The following SYNPO2 variants were observed in gnomAD, a reference collection of about 807,000 sequenced individuals.
SYNPO2 encodes the protein synaptopodin 2.
SYNPO2 carries 56 observed loss-of-function variants against 85.0 expected under a neutral mutation model. That is an observed-to-expected ratio of 0.66 (90% confidence interval 0.53 to 0.82). SYNPO2 has a LOEUF of 0.82. SYNPO2 is among the 40% of genes least tolerant of loss of function. The pLI, the probability that SYNPO2 is intolerant of heterozygous loss-of-function variation, is 0.00. For missense variants in SYNPO2, 1,575 were observed against 1,534.2 expected, an observed-to-expected ratio of 1.03 and a Z score of -0.44; for synonymous variants, 602 against 591.1, an observed-to-expected ratio of 1.02 and a Z score of -0.27.
intron 1 of SYNPO2, among the ~76,000 whole-genome samples, chr4:118,881,517 A>C (rs1732099721): frequency 6.6e-6 from 1 of 152,178 alleles, no homozygotes; most frequent in South Asian, 2.1e-4. Flanking sequence ...GGCGTTTGTT[A>C]TGGAGCCCTA....
chr4:118,897,803 A>T (rs1360234498), intron 1 of SYNPO2, among the ~76,000 whole-genome samples: 2 of 152,158 alleles, frequency 1.3e-5, no homozygotes, highest in Non-Finnish European at 2.9e-5. Context: ...AAGCTCCTAG[A>T]CATGTCACTT....
chr4:119,031,219 C>G lies in SYNPO2; in HGVS notation c.2444C>G (p.Pro815Arg). The G allele has an allele frequency of 1.2e-6, 2 of 1,614,180 alleles. No homozygotes were observed. The highest frequency in any genetic ancestry group is 2.2e-5 in the South Asian group (2 of 91,080). Residue 815 changes from proline (P) to arginine (R), a missense_variant, in exon 4 of 5, where the codon CCT (proline) becomes CGT (arginine). Physicochemically the swap from Pro to Arg is moderately radical, Grantham distance 103. Coordinates refer to ENST00000307142, the MANE Select transcript of SYNPO2 (RefSeq NM_133477.3). ...SIKIAQPSYP[P>R]ARPASTLNVA... Reference sequence around the variant, plus strand: ...AAAATAGCCCAGCCTTCTTACCCTCCTGCCCGGCCTGCAAGTACTTTGAAC... The same window carrying G: ...AAAATAGCCCAGCCTTCTTACCCTCGTGCCCGGCCTGCAAGTACTTTGAAC...
intron 4 of SYNPO2, chr4:119,032,706 C>T (rs888164366): frequency 1.0e-6 from 1 of 964,508 alleles, no homozygotes; most frequent in African/African-American, 1.8e-5. Flanking sequence ...CATATATAAA[C>T]TCATTTCAGA....
Position 119,026,673 on chromosome 4 carries a change from A to G in SYNPO2, c.304A>G (p.Lys102Glu), listed in dbSNP as rs746555337. Residue 102 changes from lysine (K) to glutamate (E), a missense_variant, in exon 3 of 5, where the codon AAA (lysine) becomes GAA (glutamate). Transcript: ENST00000307142. ...SEALISENEN[K>E]NLEHLTHGGY... ...GGCTTTGATATCTGAAAATGAAAACAAAAACCTCGAGCATCTCACACATGG... is the reference window on the plus strand; with the variant it reads ...GGCTTTGATATCTGAAAATGAAAACGAAAACCTCGAGCATCTCACACATGG... The G allele has an allele frequency of 2.5e-6, 4 of 1,612,566 alleles. No homozygotes were observed. The Admixed American group carries it at 6.7e-5, about 27-fold the overall frequency.
At chr4:118,933,829 GTTT>G (rs71595334) in intron 1 of SYNPO2, among the ~76,000 whole-genome samples, 1 of 102,318 alleles carries the variant, frequency 9.8e-6, no homozygotes, top group African/African-American at 3.4e-5. Context: ...TGTTGTTGTT[GTTT>G]TTTTTTTTTT....
At chr4:118,898,879 T>C (rs1732633283) in intron 1 of SYNPO2, among the ~76,000 whole-genome samples, 1 of 152,350 alleles carries the variant, frequency 6.6e-6, no homozygotes, top group Non-Finnish European at 1.5e-5. Context: ...CCTGGTTGCT[T>C]CATCCCTGCT....
intron 1 of SYNPO2, among the ~76,000 whole-genome samples, chr4:118,927,565 T>A (rs1189444629): frequency 6.6e-6 from 1 of 152,130 alleles, no homozygotes; most frequent in African/African-American, 2.4e-5. Context: ...TTTCTTGAAA[T>A]TTCATGTAAG....
chr4:118,971,278 C>T (rs937757541), intron 1 of SYNPO2, among the ~76,000 whole-genome samples: 2 of 152,134 alleles, frequency 1.3e-5, no homozygotes, highest in Non-Finnish European at 2.9e-5. Context: ...ACAAAGCGAA[C>T]CCATGACTCT....
chr4:118,871,707 T>C (rs1402938092), intron 1 of SYNPO2, among the ~76,000 whole-genome samples: 6 of 152,090 alleles, frequency 3.9e-5, no homozygotes, highest in Non-Finnish European at 8.8e-5. Flanking sequence ...TTGCTGGGAC[T>C]ACAGGCGCCT....
Position 119,030,353 on chromosome 4 carries a change from G to C in SYNPO2, c.1578G>C (p.Gln526His). The C allele has an allele frequency of 2.5e-6, 4 of 1,614,092 alleles. No individual in the cohort carries two copies. Among genetic ancestry groups the C allele is most frequent in the Non-Finnish European group, 3.4e-6 (4 of 1,180,014 alleles). The change falls in exon 4 of 5, where the codon CAG becomes CAC. Residue 526 changes from glutamine to histidine, a missense_variant. Physicochemically the swap from Gln to His is conservative, Grantham distance 24. Coordinates refer to ENST00000307142, the MANE Select transcript of SYNPO2 (RefSeq NM_133477.3). The part of the protein sequence containing the change: ...GTPSREQDAA[Q>H]TDGLRTTTSY... ...CAAGCAGAGAACAAGATGCTGCCCA[G>C]ACCGATGGCCTGAGAACCACGACTT... is the stretch of plus-strand genomic sequence containing the variant.
intron 1 of SYNPO2, among the ~76,000 whole-genome samples, chr4:118,908,813 T>C (rs1733032706): frequency 6.6e-6 from 1 of 152,210 alleles, no homozygotes; most frequent in Non-Finnish European, 1.5e-5. Flanking sequence ...TTGGATCTTG[T>C]AATTAATTTT....
intron 4 of SYNPO2, among the ~76,000 whole-genome samples, chr4:119,045,429 T>A (rs1738844713): frequency 6.6e-6 from 1 of 152,008 alleles, no homozygotes; most frequent in Non-Finnish European, 1.5e-5. Flanking sequence ...CTAGCCGGGG[T>A]GATAGAGCAA....
intron 1 of SYNPO2, among the ~76,000 whole-genome samples, chr4:118,866,126 C>T (rs1731695562): frequency 6.6e-6 from 1 of 152,174 alleles, no homozygotes; most frequent in Non-Finnish European, 1.5e-5. Flanking sequence ...GTATGTTTGT[C>T]TCCAGTTTTG....
At chr4:118,880,420 C>T (rs1657086102) in intron 1 of SYNPO2, among the ~76,000 whole-genome samples, 1 of 152,120 alleles carries the variant, frequency 6.6e-6, no homozygotes, top group South Asian at 2.1e-4. Flanking sequence ...TCCAAATAAT[C>T]ATGATCCATG....
intron 1 of SYNPO2, among the ~76,000 whole-genome samples, chr4:118,956,632 T>A (rs1257483787): frequency 6.6e-6 from 1 of 152,144 alleles, no homozygotes; most frequent in Non-Finnish European, 1.5e-5. Flanking sequence ...GAAAGCTTGG[T>A]GGGAGTTGGG....
At chr4:118,981,456 G>A (rs957140134) in intron 1 of SYNPO2, among the ~76,000 whole-genome samples, 8 of 152,196 alleles carry the variant, frequency 5.3e-5, no homozygotes, top group Non-Finnish European at 1.0e-4. Context: ...ACCCTCCTCC[G>A]TGCAACAATC....
chr4:118,959,380 G>C (rs961559829), intron 1 of SYNPO2, among the ~76,000 whole-genome samples: 3 of 152,208 alleles, frequency 2.0e-5, no homozygotes, highest in African/African-American at 7.2e-5. Flanking sequence ...AAAGAAGAGT[G>C]ATGGTTACCA....
chr4:119,043,253 C>T (rs1312141488), intron 4 of SYNPO2: 1 of 152,096 alleles, frequency 6.6e-6, no homozygotes, highest in East Asian at 1.9e-4. Context: ...CTCTTTTCCT[C>T]TCTTTCTCTC....
At position 119,030,554 on chromosome 4, in the gene SYNPO2, A is replaced by G; in HGVS notation, c.1779A>G (p.Pro593=). Residue 593 remains proline, a synonymous_variant, in exon 4 of 5, where the codon CCA becomes CCG. Coordinates refer to ENST00000307142, the MANE Select transcript of SYNPO2 (RefSeq NM_133477.3). ...VPMNRTAKPF[P]GSVNQPATPF... is the part of the protein sequence containing the mutation. ...TGAATAGAACGGCCAAACCCTTCCC[A>G]GGGTCTGTGAATCAGCCAGCTACCC... The G allele has an allele frequency of 6.2e-7, 1 of 1,614,134 alleles. No individual in the cohort carries two copies. The highest frequency in any genetic ancestry group is 1.3e-5 in the African/African-American group (1 of 75,054).
Sources: gnomAD v4.1 joint callset for allele counts (sites outside exome capture counted in the v4.1 genomes callset) on GRCh38, gnomAD v4.1.1 for gene constraint, MANE v1.5 for transcripts, NCBI Gene and HGNC (gene_info 2026-07-23, HGNC 2026-07-21) for gene names.